Variants in CHRNB2 observed in about 807,000 individuals in gnomAD.
CHRNB2 encodes cholinergic receptor nicotinic beta 2 subunit.
CHRNB2 carries 33 observed loss-of-function variants against 42.7 expected under a neutral mutation model. The ratio of observed to expected loss-of-function variants is 0.77; its 90% CI spans 0.59 to 1.03. CHRNB2 has a LOEUF of 1.03. CHRNB2 is among the 50% of genes least tolerant of loss of function. CHRNB2 has a pLI of 0.00. For synonymous variants in CHRNB2, 325 were observed against 292.9 expected, an observed-to-expected ratio of 1.11 and a Z score of -1.12; for missense variants, 603 against 700.9, an observed-to-expected ratio of 0.86 and a Z score of 1.58.
chr1:154,577,508 C>T lies in CHRNB2; in HGVS notation c.*1576C>T, dbSNP rs1424071364. ...GAGCTCAGCTTCCTTGCCTATAAAA[C>T]GTAGGTGGCAATGCCCTCTTCCTGA... On this transcript the variant is annotated 3_prime_UTR_variant, in exon 6 of 6. Coordinates refer to ENST00000368476, the MANE Select transcript of CHRNB2 (RefSeq NM_000748.3). The T allele has an allele frequency of 6.6e-6, 1 of 152,222 alleles. No homozygotes were observed. The highest frequency in any genetic ancestry group is 1.9e-4 in the East Asian group (1 of 5,196). 9.4% of individuals were successfully genotyped at this position (152,222 alleles called of 1,614,324 possible).
chr1:154,575,342 A>G (rs1156266502), intron 5 of CHRNB2, among the ~76,000 whole-genome samples: 1 of 152,206 alleles, frequency 6.6e-6, no homozygotes, highest in Non-Finnish European at 1.5e-5. Context: ...TGATCTGGGG[A>G]TCAAGGCAGC....
chr1:154,577,250 G>C lies in CHRNB2; in HGVS notation c.*1318G>C, dbSNP rs1362633337. 6.6e-6 allele frequency: 1 copy of C among 152,284 alleles called. No homozygotes were observed. The highest frequency in any genetic ancestry group is 1.5e-5 in the Non-Finnish European group (1 of 68,070). The allele number at this position is 152,284 out of a possible 1,614,324, so 9.4% of individuals were successfully genotyped here. On this transcript the variant is annotated 3_prime_UTR_variant, in exon 6 of 6. Transcript: ENST00000368476. ...CTGACTCTGCTTCCAGAGGCCAGCAGATGGTGGGTTACAGACGGGTCAGCC... is the reference window on the plus strand; with the variant it reads ...CTGACTCTGCTTCCAGAGGCCAGCACATGGTGGGTTACAGACGGGTCAGCC...
chr1:154,573,733 G>A (rs1327373498), intron 5 of CHRNB2, among the ~76,000 whole-genome samples: 1 of 152,108 alleles, frequency 6.6e-6, no homozygotes, highest in Non-Finnish European at 1.5e-5. Flanking sequence ...CAGGTCACTG[G>A]TCACTGGCTT....
chr1:154,576,018 A>G lies in CHRNB2; in HGVS notation c.*86A>G, dbSNP rs1696266960. On this transcript the variant is annotated 3_prime_UTR_variant, in exon 6 of 6. Transcript: ENST00000368476. ...GTGGAGGATGGACGAGTGAGCTACCAGGAAGAGGGGCGCTGCCCCCACAGA... is the reference window on the plus strand; with the variant it reads ...GTGGAGGATGGACGAGTGAGCTACCGGGAAGAGGGGCGCTGCCCCCACAGA... The G allele has an allele frequency of 6.5e-7, 1 of 1,547,380 alleles. No homozygotes were observed. The highest frequency in any genetic ancestry group is 1.4e-5 in the African/African-American group (1 of 73,530).
intron 1 of CHRNB2, among the ~76,000 whole-genome samples, chr1:154,569,013 A>G (rs1696113016): frequency 6.6e-6 from 1 of 151,638 alleles, no homozygotes; most frequent in Non-Finnish European, 1.5e-5. Context: ...CACCACACAT[A>G]CACTTTCTCC....
In CHRNB2 at chr1:154,575,880, A is replaced by C. The variant is rs1239810182; in HGVS notation, c.1457A>C (p.Tyr486Ser). The change falls in exon 6 of 6, where the codon TAC (tyrosine) becomes TCC (serine). Residue 486 changes from tyrosine (Y) to serine (S), a missense_variant. This residue lies in a region of CHRNB2 where 270 missense variants were observed against 248.3 expected (regional missense o/e 1.09). Transcript: ENST00000368476. ...GMFLQPLFQN[Y>S]TTTTFLHSDH... ...TTCCTGCAGCCTCTCTTCCAGAACT[A>C]CACCACCACCACCTTCCTCCACTCA... 1.2e-6 allele frequency: 2 copies of C among 1,614,108 alleles called. No homozygotes were observed. Among genetic ancestry groups the C allele is most frequent in the South Asian group, 1.1e-5 (1 of 91,076 alleles).
Position 154,571,994 on chromosome 1 carries a change from G to A in CHRNB2, c.1171G>A (p.Val391Ile). Residue 391 changes from valine to isoleucine, a missense_variant, in exon 5 of 6, where the codon GTC (valine) becomes ATC (isoleucine). This residue lies in a region of CHRNB2 where 270 missense variants were observed against 248.3 expected (regional missense o/e 1.09). Coordinates refer to ENST00000368476, the MANE Select transcript of CHRNB2 (RefSeq NM_000748.3). The surrounding 1 kb of genome is among the most constrained non-coding windows in gnomAD (Gnocchi z 6.8). ...APGADSCTCF[V>I]NRASVQGLAG... ...AGGGGCCGACTCCTGCACGTGCTTCGTCAACCGCGCGTCGGTGCAGGGGTT... is the reference window on the plus strand; with the variant it reads ...AGGGGCCGACTCCTGCACGTGCTTCATCAACCGCGCGTCGGTGCAGGGGTT... The A allele has an allele frequency of 1.3e-6, 2 of 1,536,346 alleles. No homozygotes were observed. Among genetic ancestry groups the A allele is most frequent in the Non-Finnish European group, 1.7e-6 (2 of 1,146,080 alleles).
chr1:154,569,965 T>C, intron 3 of CHRNB2, 129 bp downstream of exon 3: 1 of 1,052,452 alleles, frequency 9.5e-7, no homozygotes, highest in Non-Finnish European at 1.4e-6. Flanking sequence ...CCTAAACAAT[T>C]GGATTTGAAT....
chr1:154,572,143 C>G lies in CHRNB2; in HGVS notation c.1320C>G (p.Ser440Arg). 6.5e-7 allele frequency: 1 copy of G among 1,537,690 alleles called. No homozygotes were observed. Among genetic ancestry groups the G allele is most frequent in the Non-Finnish European group, 8.7e-7 (1 of 1,146,546 alleles). ...GCTTCATCGCAGACCACATGCGGAG[C>G]GAGGACGATGACCAGAGCGTGAGTG... The part of the protein sequence containing the change: ...GVRFIADHMR[S>R]EDDDQSVSED... The change falls in exon 5 of 6, where the codon AGC (serine) becomes AGG (arginine). Residue 440 changes from serine to arginine, a missense_variant. Physicochemically the swap from Ser to Arg is moderately radical, Grantham distance 110. This residue lies in a region of CHRNB2 where 270 missense variants were observed against 248.3 expected (regional missense o/e 1.09). Transcript: ENST00000368476.
rs1039860822 is a variant in CHRNB2, at chr1:154,576,022, A to G, written c.*90A>G. 1 of 1,526,832 alleles carries G rather than the reference A, an allele frequency of 6.5e-7. No individual in the cohort carries two copies. The highest frequency in any genetic ancestry group is 1.4e-5 in the African/African-American group (1 of 73,270). 94.6% of individuals were successfully genotyped at this position (1,526,832 alleles called of 1,614,324 possible). ...AGGATGGACGAGTGAGCTACCAGGAAGAGGGGCGCTGCCCCCACAGATCCA... is the reference window on the plus strand; with the variant it reads ...AGGATGGACGAGTGAGCTACCAGGAGGAGGGGCGCTGCCCCCACAGATCCA... On this transcript the variant is annotated 3_prime_UTR_variant, in exon 6 of 6. Coordinates refer to ENST00000368476, the MANE Select transcript of CHRNB2 (RefSeq NM_000748.3).
Position 154,579,550 on chromosome 1 carries a change from G to GA in CHRNB2, c.*3619dup, listed in dbSNP as rs1190532325. The GA allele has an allele frequency of 6.6e-6, 1 of 152,336 alleles. No individual in the cohort carries two copies. The highest frequency in any genetic ancestry group is 1.9e-4 in the East Asian group (1 of 5,206). 9.4% of individuals were successfully genotyped at this position (152,336 alleles called of 1,614,324 possible). A position where few individuals can be genotyped will look rare whatever the true frequency, so the allele number is the denominator to read the frequency against. ...GTTGTCCCCCCCTTGTTTCCGGGCAGAGTCAGGCAGGTGTCATACCATCCC... is the reference window on the plus strand; with the variant it reads ...GTTGTCCCCCCCTTGTTTCCGGGCAGAAGTCAGGCAGGTGTCATACCATCCC... On this transcript the variant is annotated 3_prime_UTR_variant, in exon 6 of 6. Coordinates refer to ENST00000368476, the MANE Select transcript of CHRNB2 (RefSeq NM_000748.3).
At position 154,572,047 on chromosome 1, in the gene CHRNB2, A is replaced by G; in HGVS notation, c.1224A>G (p.Ala408=). The change falls in exon 5 of 6, where the codon GCA becomes GCG. Residue 408 remains alanine (A), a synonymous_variant. Transcript: ENST00000368476. ...GLAGAFGAEP[A]PVAGPGRSGE... ...CCGGGGCCTTCGGGGCTGAGCCTGC[A>G]CCAGTGGCGGGCCCCGGGCGCTCAG... 1 of 1,534,894 alleles carries G rather than the reference A, an allele frequency of 6.5e-7. No homozygotes were observed. Among genetic ancestry groups the G allele is most frequent in the Non-Finnish European group, 8.7e-7 (1 of 1,145,664 alleles).
intron 1 of CHRNB2, among the ~76,000 whole-genome samples, chr1:154,568,850 C>T (rs192432589): frequency 7.3e-4 from 111 of 152,060 alleles, no homozygotes; most frequent in African/African-American, 2.5e-3. Flanking sequence ...ATATGCCTGA[C>T]CCACAGCTTA....
chr1:154,571,834 C>T lies in CHRNB2; in HGVS notation c.1011C>T (p.Val337=), dbSNP rs766422414. 8.1e-6 allele frequency: 13 copies of T among 1,613,046 alleles called. No homozygotes were observed. Among genetic ancestry groups the T allele is most frequent in the Admixed American group, 1.7e-5 (1 of 59,984 alleles). The change falls in exon 5 of 6, where the codon GTC becomes GTT. Residue 337 remains valine, a synonymous_variant. Coordinates refer to ENST00000368476, the MANE Select transcript of CHRNB2 (RefSeq NM_000748.3). The surrounding 1 kb of genome is among the most constrained non-coding windows in gnomAD (Gnocchi z 6.8). ...ACACCATGGCGCCCTGGGTGAAGGT[C>T]GTCTTCCTGGAGAAGCTGCCCGCGC... ...TTHTMAPWVK[V]VFLEKLPALL... is the part of the protein sequence containing the mutation.
In CHRNB2 at chr1:154,571,937, G is replaced by T; in HGVS notation, c.1114G>T (p.Gly372Cys). 6.4e-7 allele frequency: 1 copy of T among 1,552,308 alleles called. No individual in the cohort carries two copies. Among genetic ancestry groups the T allele is most frequent in the Non-Finnish European group, 8.7e-7 (1 of 1,153,912 alleles). ...GCGGCGACGCCAGCGTGAGCGCGAGGGCGCTGGAGCCCTCTTCTTCCGCGA... is the reference window on the plus strand; with the variant it reads ...GCGGCGACGCCAGCGTGAGCGCGAGTGCGCTGGAGCCCTCTTCTTCCGCGA... The part of the protein sequence containing the change: ...RLRRRQRERE[G>C]AGALFFREAP... The change falls in exon 5 of 6, where the codon GGC becomes TGC. Residue 372 changes from glycine to cysteine, a missense_variant. This residue lies in a region of CHRNB2 where 270 missense variants were observed against 248.3 expected (regional missense o/e 1.09). Transcript: ENST00000368476. The surrounding 1 kb of genome is among the most constrained non-coding windows in gnomAD (Gnocchi z 6.8).
chr1:154,573,898 G>A (rs1036045204), intron 5 of CHRNB2, among the ~76,000 whole-genome samples: 5 of 152,054 alleles, frequency 3.3e-5, no homozygotes, highest in South Asian at 2.1e-4. Flanking sequence ...ATAGGTTCCC[G>A]CCACCACGCC....
In CHRNB2 at chr1:154,579,217, G is replaced by A. The variant is rs1696342300; in HGVS notation, c.*3285G>A. The A allele has an allele frequency of 6.6e-6, 1 of 152,234 alleles. No homozygotes were observed. Among genetic ancestry groups the A allele is most frequent in the South Asian group, 2.1e-4 (1 of 4,830 alleles). 9.4% of individuals were successfully genotyped at this position (152,234 alleles called of 1,614,324 possible). On this transcript the variant is annotated 3_prime_UTR_variant, in exon 6 of 6. Coordinates refer to ENST00000368476, the MANE Select transcript of CHRNB2 (RefSeq NM_000748.3). ...ACAGGGAGGGCTCTTTGGATGGTTT[G>A]GGGACCTGGGGCTGTTTGTATCCCA...
rs1696308005 is a variant in CHRNB2, at chr1:154,577,687, T to G, written c.*1755T>G. ...ATGCCAGCCTCCCTCCCAGGCCCAC[T>G]CTTCCCCCCTCTTCCCTGAGGAAAC... On this transcript the variant is annotated 3_prime_UTR_variant, in exon 6 of 6. Transcript: ENST00000368476. 1 of 152,152 alleles carries G rather than the reference T, an allele frequency of 6.6e-6. No homozygotes were observed. The highest frequency in any genetic ancestry group is 1.5e-5 in the Non-Finnish European group (1 of 68,046). 9.4% of individuals were successfully genotyped at this position (152,152 alleles called of 1,614,324 possible).
chr1:154,571,791 A>G lies in CHRNB2; in HGVS notation c.968A>G (p.His323Arg), dbSNP rs201004255. 1.2e-5 allele frequency: 20 copies of G among 1,614,000 alleles called. No homozygotes were observed. Among genetic ancestry groups the G allele is most frequent in the Non-Finnish European group, 1.6e-5 (19 of 1,180,040 alleles). Residue 323 changes from histidine (H) to arginine (R), a missense_variant, in exon 5 of 6, where the codon CAC (histidine) becomes CGC (arginine). Coordinates refer to ENST00000368476, the MANE Select transcript of CHRNB2 (RefSeq NM_000748.3). The surrounding 1 kb of genome is among the most constrained non-coding windows in gnomAD (Gnocchi z 6.8). ...VTSVCVLNVHHRSPTTHTMAP... is the reference protein window; with the variant it reads ...VTSVCVLNVHRRSPTTHTMAP... ...AGCGTGTGCGTGCTCAACGTGCACC[A>G]CCGCTCGCCCACCACGCACACCATG...
Sources: allele counts gnomAD v4.1 joint callset (sites outside exome capture counted in the v4.1 genomes callset), GRCh38; gene constraint gnomAD v4.1.1; regional missense constraint gnomAD v4.1.1; non-coding constraint Gnocchi (gnomAD v3.1); transcripts MANE v1.5; gene names NCBI Gene and HGNC (gene_info 2026-07-23, HGNC 2026-07-21).